The following TULP4 variants were observed in gnomAD, a reference collection of about 807,000 sequenced individuals.
TULP4 encodes the protein tubby-related protein 4.
In TULP4, 16 loss-of-function variants were observed where a neutral mutation model predicts 129.0. That is an observed-to-expected ratio of 0.12 (90% CI 0.08 to 0.19). The LOEUF (loss-of-function observed/expected upper bound fraction) is 0.19, where lower values mean the gene tolerates loss of function less well. TULP4 is among the 10% of genes least tolerant of loss of function. The pLI is 1.00. For synonymous variants in TULP4, 998 were observed against 854.0 expected (o/e 1.17, Z -2.94); for missense variants, 1,842 against 2,059.1 (o/e 0.89, Z 2.04).
At chr6:158,330,323 C>T (rs1253904592) in intron 1 of TULP4, among the ~76,000 whole-genome samples, 1 of 152,130 alleles carries the variant, frequency 6.6e-6, no homozygotes, top group Non-Finnish European at 1.5e-5. Context: ...TAATGAATGT[C>T]CAATAGGACC....
intron 11 of TULP4, 65 bp downstream of exon 11, chr6:158,494,911 C>G: frequency 7.3e-7 from 1 of 1,372,992 alleles, no homozygotes; most frequent in Non-Finnish European, 1.0e-6. Context: ...CAGTTTCCAC[C>G]TTTAGTGGCT....
At chr6:158,236,795 CTTTTTTTTTTTTTTTTTTT>C (rs71030149) in intron 1 of TULP4, among the ~76,000 whole-genome samples, 26 of 63,300 alleles carry the variant, frequency 4.1e-4, no homozygotes, top group African/African-American at 1.1e-3. Flanking sequence ...CAATTCTTTT[CTTTTTTTTTTTTTTTTTTT>C]TTTTTTTTTT....
intron 8 of TULP4, among the ~76,000 whole-genome samples, chr6:158,484,886 T>C (rs2128252330): frequency 6.6e-6 from 1 of 152,380 alleles, no homozygotes; most frequent in Admixed American, 6.5e-5. Context: ...GGTTTTGTTT[T>C]TCTGGAGAAC....
At chr6:158,386,825 G>C (rs1777460401) in intron 1 of TULP4, among the ~76,000 whole-genome samples, 2 of 152,070 alleles carry the variant, frequency 1.3e-5, no homozygotes, top group South Asian at 2.1e-4. Context: ...TATCTCATAA[G>C]GTAATTGTGA....
At chr6:158,383,720 C>T (rs971054398) in intron 1 of TULP4, among the ~76,000 whole-genome samples, 2 of 152,168 alleles carry the variant, frequency 1.3e-5, no homozygotes, top group Non-Finnish European at 2.9e-5. Context: ...AAAACCTGGG[C>T]CAGCTTCTCG....
intron 1 of TULP4, among the ~76,000 whole-genome samples, chr6:158,243,073 C>T (rs1777955409): frequency 6.6e-6 from 1 of 152,126 alleles, no homozygotes; most frequent in Non-Finnish European, 1.5e-5. Flanking sequence ...AGACGTGAGC[C>T]ACCGCACCCG....
At chr6:158,344,936 C>A (rs1780266037) in intron 1 of TULP4, among the ~76,000 whole-genome samples, 1 of 152,186 alleles carries the variant, frequency 6.6e-6, no homozygotes, top group Non-Finnish European at 1.5e-5. Context: ...AAAAGTGCTA[C>A]TCCAGTGAAC....
upstream of TULP4, among the ~76,000 whole-genome samples, chr6:158,308,624 C>CG (rs1166137619): frequency 5.4e-4 from 77 of 141,540 alleles, no homozygotes; most frequent in Admixed American, 5.3e-3. Flanking sequence ...GCTGGTCGGG[C>CG]GGGGGGCTGA....
At chr6:158,491,430 TTTCTTTCTTTC>T (rs1248957698) in intron 9 of TULP4, among the ~76,000 whole-genome samples, 1 of 14,456 alleles carries the variant, frequency 6.9e-5, no homozygotes, top group African/African-American at 3.4e-4. Flanking sequence ...TCTTTCTTTC[TTTCTTTCTTTC>T]TTTTCTTTCT....
In TULP4 at chr6:158,242,517, C is replaced by G; in HGVS notation, n.68+10214C>G. The stretch of plus-strand genomic sequence containing the variant: ...CAGTTTGTCTGTCTGCCGGTTGGTA[C>G]TTTCTACTGTCTTCAAGACATTCTC... On this transcript the variant is annotated intron_variant and non_coding_transcript_variant, in intron 1 of 1. Coordinates refer to the TULP4 transcript ENST00000620026. 3.9e-6 allele frequency: 3 copies of G among 763,716 alleles called. No individual in the cohort carries two copies. The Admixed American group carries it at 5.3e-5, about 13-fold the overall frequency. The allele number at this position is 763,716 out of a possible 1,614,324, so 47.3% of individuals were successfully genotyped here.
upstream of TULP4, among the ~76,000 whole-genome samples, chr6:158,277,536 G>A (rs1419879498): frequency 1.3e-5 from 2 of 152,180 alleles, no homozygotes; most frequent in East Asian, 1.9e-4. Context: ...TAATTGGGGA[G>A]ATTTATGTTA....
At chr6:158,390,772 T>C (rs1028157849) in intron 1 of TULP4, among the ~76,000 whole-genome samples, 1 of 152,244 alleles carries the variant, frequency 6.6e-6, no homozygotes, top group Admixed American at 6.5e-5. Flanking sequence ...TCAATGAACA[T>C]ATTTGCTTAT....
chr6:158,269,594 C>T (rs1223882602), intron 1 of TULP4, among the ~76,000 whole-genome samples: 1 of 152,046 alleles, frequency 6.6e-6, no homozygotes, highest in Non-Finnish European at 1.5e-5. Context: ...ATTCTTCATC[C>T]CTGATTTCCA....
chr6:158,331,236 A>G (rs1779870675), intron 1 of TULP4, among the ~76,000 whole-genome samples: 1 of 152,116 alleles, frequency 6.6e-6, no homozygotes, highest in Non-Finnish European at 1.5e-5. Flanking sequence ...ATGGTTGCAA[A>G]AACGGTGATT....
intron 6 of TULP4, among the ~76,000 whole-genome samples, chr6:158,472,655 A>G (rs1389504077): frequency 1.3e-5 from 2 of 152,230 alleles, no homozygotes; most frequent in Non-Finnish European, 2.9e-5. Flanking sequence ...GACTGCTTAT[A>G]AAAAGAACTA....
At chr6:158,336,463 C>T (rs887016478) in intron 1 of TULP4, among the ~76,000 whole-genome samples, 5 of 151,982 alleles carry the variant, frequency 3.3e-5, no homozygotes, top group South Asian at 2.1e-4. Context: ...TCTCTTATTG[C>T]GCTGGATTTT....
chr6:158,259,834 T>C (rs1233353824), intron 1 of TULP4, among the ~76,000 whole-genome samples: 6 of 152,176 alleles, frequency 3.9e-5, no homozygotes, highest in Non-Finnish European at 7.3e-5. Flanking sequence ...GGTTTTATGA[T>C]AAAGGATACA....
intron 7 of TULP4, 110 bp from the exon 8 acceptor site, chr6:158,480,945 T>C: frequency 1.1e-6 from 1 of 942,636 alleles, no homozygotes; most frequent in Non-Finnish European, 1.6e-6. Flanking sequence ...GCCTGTGCTC[T>C]GTCTGGAACA....
chr6:158,401,701 T>C (rs573026053), intron 1 of TULP4, among the ~76,000 whole-genome samples: 1 of 152,314 alleles, frequency 6.6e-6, no homozygotes, highest in East Asian at 1.9e-4. Context: ...CCGTCTGTAG[T>C]GCATCTGAGC....
Sources: gnomAD v4.1 joint callset for allele counts (sites outside exome capture counted in the v4.1 genomes callset) on GRCh38, gnomAD v4.1.1 for gene constraint, MANE v1.5 for transcripts, NCBI Gene and HGNC (gene_info 2026-07-23, HGNC 2026-07-21) for gene names.